Variants in ADARB1 observed in about 807,000 individuals in gnomAD.
ADARB1 encodes double-stranded RNA-specific editase 1.
Under a neutral mutation model 52.4 loss-of-function variants are expected in ADARB1, and 10 were observed. The observed-to-expected ratio is 0.19, with a 90% CI of 0.12 to 0.32. The LOEUF (loss-of-function observed/expected upper bound fraction) is 0.32, where lower values mean the gene tolerates loss of function less well. ADARB1 is among the 10% of genes least tolerant of loss of function. The pLI, the probability that ADARB1 is intolerant of heterozygous loss-of-function variation, is 1.00. For synonymous variants in ADARB1, 349 were observed against 371.1 expected (o/e 0.94, Z 0.68); for missense variants, 643 against 922.3 (o/e 0.70, Z 3.92).
chr21:45,198,813 C>T (rs892978412), intron 8 of ADARB1, among the ~76,000 whole-genome samples: 5 of 152,204 alleles, frequency 3.3e-5, no homozygotes, highest in African/African-American at 7.2e-5. Flanking sequence ...TATACACTTA[C>T]ATTATCTTTA....
intron 1 of ADARB1, among the ~76,000 whole-genome samples, chr21:45,095,043 T>A (rs1025128339): frequency 6.6e-6 from 1 of 152,222 alleles, no homozygotes; most frequent in Non-Finnish European, 1.5e-5. Flanking sequence ...CCCTCTGAAA[T>A]GGGTCTTGCT....
intron 9 of ADARB1, among the ~76,000 whole-genome samples, chr21:45,218,387 C>T (rs2092906366): frequency 6.6e-6 from 1 of 152,160 alleles, no homozygotes; most frequent in Non-Finnish European, 1.5e-5. Flanking sequence ...AGAAATTTGG[C>T]TTAGGCCTTT....
chr21:45,127,496 C>G, intron 1 of ADARB1, among the ~76,000 whole-genome samples: 1 of 152,226 alleles, frequency 6.6e-6, no homozygotes, highest in Non-Finnish European at 1.5e-5. Flanking sequence ...GACGAGCTGA[C>G]GTGTGTTGTA....
chr21:45,096,035 T>C (rs1287581490), intron 1 of ADARB1, among the ~76,000 whole-genome samples: 2 of 152,256 alleles, frequency 1.3e-5, no homozygotes, highest in East Asian at 3.8e-4. Context: ...GGCTCTGTTT[T>C]AGATAAAAGC....
At chr21:45,168,657 G>A (rs190658616) in intron 2 of ADARB1, among the ~76,000 whole-genome samples, 3 of 152,152 alleles carry the variant, frequency 2.0e-5, no homozygotes, top group Non-Finnish European at 4.4e-5. Flanking sequence ...TGATCTGCTC[G>A]TCTGCCCCTT....
At chr21:45,103,342 G>A (rs1601351166) in intron 1 of ADARB1, among the ~76,000 whole-genome samples, 1 of 152,108 alleles carries the variant, frequency 6.6e-6, no homozygotes, top group African/African-American at 2.4e-5. Flanking sequence ...GATGATTCCA[G>A]CGCGTTACAT....
chr21:45,136,560 T>TACTGAGCCCCTGTGGGG (rs2089387863), intron 2 of ADARB1, among the ~76,000 whole-genome samples: 1 of 152,210 alleles, frequency 6.6e-6, no homozygotes, highest in Non-Finnish European at 1.5e-5. Flanking sequence ...AACAAACATG[T>TACTGAGCCCCTGTGGGG]ACTGAGCCCC....
chr21:45,205,832 A>T (rs1342200954), intron 9 of ADARB1, among the ~76,000 whole-genome samples: 1 of 152,056 alleles, frequency 6.6e-6, no homozygotes. Context: ...AACCTGAAAC[A>T]CGTTTATTTT....
chr21:45,224,750 T>C lies in ADARB1; in HGVS notation c.*2553T>C. 4.4e-6 allele frequency: 4 copies of C among 907,510 alleles called. No homozygotes were observed. Among genetic ancestry groups the C allele is most frequent in the Non-Finnish European group, 5.0e-6 (4 of 793,060 alleles). 56.2% of individuals were successfully genotyped at this position (907,510 alleles called of 1,614,324 possible). A position where few individuals can be genotyped will look rare whatever the true frequency, so the allele number is the denominator to read the frequency against. The stretch of plus-strand genomic sequence containing the variant: ...GGCGGGGCGGCTGTGGGGAGGAAGG[T>C]GACGTGCAGGGGACCAGAGGCTCTG... On this transcript the variant is annotated 3_prime_UTR_variant, in exon 11 of 11. Transcript: ENST00000348831.
At chr21:45,178,447 C>A (rs2091791592) in intron 4 of ADARB1, among the ~76,000 whole-genome samples, 2 of 152,226 alleles carry the variant, frequency 1.3e-5, no homozygotes, top group African/African-American at 4.8e-5. Context: ...TGGAGCTGCA[C>A]TTCGAGTCTC....
intron 1 of ADARB1, among the ~76,000 whole-genome samples, chr21:45,109,572 C>T (rs1290001504): frequency 2.0e-5 from 3 of 152,122 alleles, no homozygotes; most frequent in African/African-American, 7.2e-5. Flanking sequence ...GGGCTCTGCG[C>T]CCCCCCAGGA....
At chr21:45,076,451 A>C (rs2085939169) in intron 1 of ADARB1, among the ~76,000 whole-genome samples, 1 of 152,176 alleles carries the variant, frequency 6.6e-6, no homozygotes, top group Admixed American at 6.5e-5. Flanking sequence ...GAGGGTTCCT[A>C]AGACTGGGTA....
Position 45,225,740 on chromosome 21 carries a change from G to A in ADARB1, c.*3543G>A. ...GCCCCAGGCATAAAGAAGGAAAATT[G>A]GCCATCTTTCCCACCTCTAAATTCT... On this transcript the variant is annotated 3_prime_UTR_variant, in exon 11 of 11. Transcript: ENST00000348831. 1 of 448,258 alleles carries A rather than the reference G, an allele frequency of 2.2e-6. No individual in the cohort carries two copies. The allele number at this position is 448,258 out of a possible 1,614,324, so 27.8% of individuals were successfully genotyped here. A position where few individuals can be genotyped will look rare whatever the true frequency, so the allele number is the denominator to read the frequency against.
chr21:45,212,338 C>T (rs1340698258), intron 9 of ADARB1, among the ~76,000 whole-genome samples: 1 of 152,146 alleles, frequency 6.6e-6, no homozygotes. Context: ...CTGGGGCTGC[C>T]GCCTCTACAG....
Position 45,225,600 on chromosome 21 carries a change from G to C in ADARB1, c.*3403G>C. 7.6e-7 allele frequency: 1 copy of C among 1,317,872 alleles called. No homozygotes were observed. The highest frequency in any genetic ancestry group is 9.8e-7 in the Non-Finnish European group (1 of 1,021,116). The allele number at this position is 1,317,872 out of a possible 1,614,324, so 81.6% of individuals were successfully genotyped here. ...TCACATTGTGCACAGATCTGAGGAT[G>C]GGATTAGCGAAGCTGTGGAGACTGC... On this transcript the variant is annotated 3_prime_UTR_variant, in exon 11 of 11. Coordinates refer to ENST00000348831, the MANE Select transcript of ADARB1 (RefSeq NM_001112.4).
intron 2 of ADARB1, among the ~76,000 whole-genome samples, chr21:45,166,816 T>TA (rs2091270239): frequency 6.6e-6 from 1 of 152,240 alleles, no homozygotes; most frequent in South Asian, 2.1e-4. Flanking sequence ...TCTGTCTTCT[T>TA]ACTGCATTAG....
At position 45,220,723 on chromosome 21, in the gene ADARB1, C is replaced by G; in HGVS notation, c.1748-113C>G. Reference sequence around the variant, plus strand: ...CGTATATTCCTCGGCAGGCAGAATTCCCCCACCACGCACTTCTGTGGCCAT... The same window carrying G: ...CGTATATTCCTCGGCAGGCAGAATTGCCCCACCACGCACTTCTGTGGCCAT... On this transcript the variant is annotated intron_variant, in intron 9 of 10. Coordinates refer to ENST00000348831, the MANE Select transcript of ADARB1 (RefSeq NM_001112.4). This position sits in a 1 kb window ranked among gnomAD's most constrained non-coding sequence, Gnocchi z 6.3. The G allele has an allele frequency of 8.7e-7, 1 of 1,151,050 alleles. No individual in the cohort carries two copies. The highest frequency in any genetic ancestry group is 1.4e-5 in the South Asian group (1 of 70,754). The allele number at this position is 1,151,050 out of a possible 1,614,324, so 71.3% of individuals were successfully genotyped here.
chr21:45,201,243 A>T (rs1267817624), intron 8 of ADARB1, among the ~76,000 whole-genome samples: 2 of 152,166 alleles, frequency 1.3e-5, no homozygotes, highest in Non-Finnish European at 2.9e-5. Flanking sequence ...AGGCGATTTC[A>T]TCCTGATGAA....
Position 45,224,816 on chromosome 21 carries a change from T to A in ADARB1, c.*2619T>A, listed in dbSNP as rs931082617. ...AGCTCATCTGTAATCAGAAAAAAAA[T>A]AAACAAAATACAGAACGCTGACTCC... is the stretch of plus-strand genomic sequence containing the variant. On this transcript the variant is annotated 3_prime_UTR_variant, in exon 11 of 11. Coordinates refer to ENST00000348831, the MANE Select transcript of ADARB1 (RefSeq NM_001112.4). 189 of 984,950 alleles carry A rather than the reference T, an allele frequency of 1.9e-4. 1 individual carries two copies. The Middle Eastern group carries it at 2.1e-3, about 11-fold the overall frequency. The allele number at this position is 984,950 out of a possible 1,614,324, so 61.0% of individuals were successfully genotyped here. A position where few individuals can be genotyped will look rare whatever the true frequency, so the allele number is the denominator to read the frequency against.
Sources: gnomAD v4.1 joint callset for allele counts (sites outside exome capture counted in the v4.1 genomes callset) on GRCh38, gnomAD v4.1.1 for gene constraint, Gnocchi (gnomAD v3.1) non-coding constraint, MANE v1.5 for transcripts, NCBI Gene and HGNC (gene_info 2026-07-23, HGNC 2026-07-21) for gene names.